NAV1: variants seen among roughly 807,000 people sequenced by gnomAD.
NAV1 encodes pore membrane and/or filament interacting like protein 3.
Under a neutral mutation model 175.2 loss-of-function variants are expected in NAV1, and 18 were observed. That is an observed-to-expected ratio of 0.10 (90% confidence interval 0.07 to 0.15). NAV1 has a LOEUF of 0.15. Among genes scored for constraint, NAV1 ranks in the 10% least tolerant of loss-of-function variants. The pLI, the probability that NAV1 is intolerant of heterozygous loss-of-function variation, is 1.00. For synonymous variants in NAV1, 897 were observed against 978.7 expected (o/e 0.92, Z 1.56); for missense variants, 1,731 against 2,436.6 (o/e 0.71, Z 6.10).
chr1:201,718,474 A>T lies in NAV1; in HGVS notation c.945A>T (p.Ser315=). 1.9e-6 allele frequency: 3 copies of T among 1,592,788 alleles called. No homozygotes were observed. Among genetic ancestry groups the T allele is most frequent in the Non-Finnish European group, 2.6e-6 (3 of 1,164,504 alleles). The change falls in exon 3 of 30, where the codon TCA becomes TCT. Residue 315 remains serine, a synonymous_variant. Transcript: ENST00000367296. The surrounding 1 kb of genome is among the most constrained non-coding windows in gnomAD (Gnocchi z 4.8). ...TCTCCAACCGCTCGTCCCCTCTGTC[A>T]TGGCGCTATGGCCAGTCCAGTCCGC... is the stretch of plus-strand genomic sequence containing the variant.
chr1:201,607,873 TGTG>T (rs1667732825), intron 2 of NAV1, among the ~76,000 whole-genome samples: 5 of 105,816 alleles, frequency 4.7e-5, no homozygotes, highest in African/African-American at 1.7e-4. Flanking sequence ...AACTTTATTG[TGTG>T]TGTGTGTGTG....
At chr1:201,670,483 A>G (rs1189527195) in intron 1 of NAV1, among the ~76,000 whole-genome samples, 2 of 151,860 alleles carry the variant, frequency 1.3e-5, no homozygotes, top group African/African-American at 2.4e-5. Flanking sequence ...ATGGAGGAGC[A>G]ACTAGAGTGT....
intron 1 of NAV1, among the ~76,000 whole-genome samples, chr1:201,678,804 C>T (rs530665810): frequency 3.3e-5 from 5 of 152,284 alleles, no homozygotes; most frequent in South Asian, 2.1e-4. Context: ...GTCTGTCCCC[C>T]CTCCCAACCC....
At chr1:201,673,615 C>A (rs75857773) in intron 1 of NAV1, among the ~76,000 whole-genome samples, 2,073 of 152,286 alleles carry the variant, frequency 0.014, 51 homozygotes, top group African/African-American at 0.045. Context: ...AAGGAACAGG[C>A]CCTGCCCTCA....
At chr1:201,809,465 C>T (rs945365070) in exon 22 of NAV1, 4 of 1,614,102 alleles carry the variant, frequency 2.5e-6, no homozygotes, top group Non-Finnish European at 3.4e-6. Flanking sequence ...AGGAATTCTT[C>T]CTGGGCTGTA....
At chr1:201,564,919 T>C (rs1455128658) in intron 1 of NAV1, among the ~76,000 whole-genome samples, 1 of 152,232 alleles carries the variant, frequency 6.6e-6, no homozygotes, top group African/African-American at 2.4e-5. Flanking sequence ...CATGCTGCCA[T>C]CTCGCTGCTT....
At chr1:201,766,812 C>CT (rs1246998316) in intron 3 of NAV1, among the ~76,000 whole-genome samples, 1 of 151,964 alleles carries the variant, frequency 6.6e-6, no homozygotes, top group African/African-American at 2.4e-5. Context: ...AAGCCACATA[C>CT]TTTTTTTGTT....
rs756307598 is a variant in NAV1, at chr1:201,648,876, G to T, written c.208G>T (p.Gly70Cys). The change falls in exon 1 of 30, where the codon GGC becomes TGC. Residue 70 changes from glycine to cysteine, a missense_variant. Coordinates refer to ENST00000367296, the Ensembl canonical transcript of NAV1. ...GGCTGAGCTGAAGGTCTTCAAGTCC[G>T]GCAGCGTGGACAGCCGTGTCCCCGG... 8 of 1,612,312 alleles carry T rather than the reference G, an allele frequency of 5.0e-6. No individual in the cohort carries two copies. The South Asian group carries it at 5.5e-5, about 11-fold the overall frequency.
At chr1:201,644,052 G>A (rs1010854391), upstream of NAV1, among the ~76,000 whole-genome samples, 4 of 152,128 alleles carry the variant, frequency 2.6e-5, no homozygotes, top group South Asian at 2.1e-4. Context: ...TCTTTGGGGC[G>A]CTGAGGATTG....
At chr1:201,798,684 A>AT (rs1339832732) in intron 15 of NAV1, 1 of 122,890 alleles carries the variant, frequency 8.1e-6, no homozygotes, top group Admixed American at 9.1e-5. Context: ...ATTACTGTTC[A>AT]TTTTCTCTCT....
chr1:201,638,684 C>T (rs1405951117), intron 2 of NAV1, among the ~76,000 whole-genome samples: 5 of 152,220 alleles, frequency 3.3e-5, no homozygotes, highest in Non-Finnish European at 4.4e-5. Flanking sequence ...GACCTATATT[C>T]AAATTCTGAT....
In NAV1 at chr1:201,788,666, G is replaced by A. The variant is rs75954862; in HGVS notation, c.3166+28G>A. On this transcript the variant is annotated intron_variant, in intron 10 of 29. Coordinates refer to ENST00000367296, the Ensembl canonical transcript of NAV1. This position sits in a 1 kb window ranked among gnomAD's most constrained non-coding sequence, Gnocchi z 5.7. ...GAGACTTCATGCTAGCGCGGTTCAC[G>A]CTCATTCCAGCTCTGCTGGGTCCCC... 2,316 of 1,572,646 alleles carry A rather than the reference G, an allele frequency of 1.5e-3. 27 individuals carry two copies. In the African/African-American group the frequency reaches 0.026, roughly 18 times the overall value.
chr1:201,709,896 C>G lies in NAV1; in HGVS notation c.758-2921C>G, dbSNP rs541877285. 2.6e-5 allele frequency among the ~76,000 whole-genome samples: 4 copies of G among 152,092 alleles called. No homozygotes were observed. The South Asian group carries it at 8.3e-4, about 32-fold the overall frequency. ...TACTTCCTGGACCTCAGCCTCCCAG[C>G]TCTCCAGAGACACAGCAGGATTAAG... On this transcript the variant is annotated intron_variant, in intron 1 of 29. Coordinates refer to ENST00000367296, the Ensembl canonical transcript of NAV1.
intron 3 of NAV1, among the ~76,000 whole-genome samples, chr1:201,731,021 A>T (rs1440503744): frequency 6.6e-6 from 1 of 152,174 alleles, no homozygotes; most frequent in Non-Finnish European, 1.5e-5. Flanking sequence ...AGGAAAAGGC[A>T]TAAAAGTATA....
intron 15 of NAV1, chr1:201,798,422 C>T (rs933807744): frequency 6.6e-6 from 1 of 152,060 alleles, no homozygotes; most frequent in African/African-American, 2.4e-5. Flanking sequence ...GGGAGGTTCA[C>T]TTTAGGCCAG....
chr1:201,808,299 C>T lies in NAV1; in HGVS notation c.3846-119C>T. ...AGACCAACAGATGGACCTTTCTTCT[C>T]ATGCTGATTGAATATCAATGGGCAG... On this transcript the variant is annotated intron_variant, in intron 18 of 29. Transcript: ENST00000367296. The surrounding 1 kb of genome is among the most constrained non-coding windows in gnomAD (Gnocchi z 5.5). 21 of 1,393,332 alleles carry T rather than the reference C, an allele frequency of 1.5e-5. No homozygotes were observed. The highest frequency in any genetic ancestry group is 2.1e-5 in the Non-Finnish European group (21 of 1,023,424). The allele number at this position is 1,393,332 out of a possible 1,614,324, so 86.3% of individuals were successfully genotyped here.
intron 3 of NAV1, among the ~76,000 whole-genome samples, chr1:201,756,824 C>CTTTTTCTTTCTTTCTTTCTT (rs139167821): frequency 2.5e-5 from 1 of 40,104 alleles, no homozygotes; most frequent in Admixed American, 2.6e-4. Flanking sequence ...TTCTTTCTTT[C>CTTTTTCTTTCTTTCTTTCTT]TTTCTTTCTT....
At chr1:201,783,668 A>G in exon 7 of NAV1, 1 of 1,614,190 alleles carries the variant, frequency 6.2e-7, no homozygotes, top group Non-Finnish European at 8.5e-7. Context: ...AGAGACCCGC[A>G]TGTACCCCAA....
At chr1:201,746,993 CA>C (rs35001839) in intron 3 of NAV1, among the ~76,000 whole-genome samples, 47,179 of 132,546 alleles carry the variant, frequency 0.36, 8,182 homozygotes, top group Middle Eastern at 0.46. Context: ...GACCCTGTCT[CA>C]AAAAAAAAAA....
Sources: allele counts gnomAD v4.1 joint callset (sites outside exome capture counted in the v4.1 genomes callset), GRCh38; gene constraint gnomAD v4.1.1; non-coding constraint Gnocchi (gnomAD v3.1); transcripts MANE v1.5; gene names NCBI Gene and HGNC (gene_info 2026-07-23, HGNC 2026-07-21).